CDK8: variants seen among roughly 807,000 people sequenced by gnomAD.
The protein encoded by CDK8 is cyclin-dependent kinase 8.
CDK8 carries 29 observed loss-of-function variants against 71.5 expected under a neutral mutation model. That is an observed-to-expected ratio of 0.41 (90% confidence interval 0.30 to 0.55). CDK8 has a LOEUF of 0.55. Among genes scored for constraint, CDK8 ranks in the 20% least tolerant of loss-of-function variants. The pLI is 0.37. For synonymous variants in CDK8, 161 were observed against 192.1 expected (o/e 0.84, Z 1.34); for missense variants, 288 against 572.6 (o/e 0.50, Z 5.07).
chr13:26,392,118 A>T (rs1257900798), intron 6 of CDK8, among the ~76,000 whole-genome samples: 1 of 152,076 alleles, frequency 6.6e-6, no homozygotes, highest in African/African-American at 2.4e-5. Flanking sequence ...TTAGTTTAGG[A>T]TTTGTTAAGA....
intron 1 of CDK8, among the ~76,000 whole-genome samples, chr13:26,266,626 C>T (rs532379942): frequency 3.9e-5 from 6 of 152,034 alleles, no homozygotes; most frequent in Non-Finnish European, 8.8e-5. Flanking sequence ...ATAAAATAAA[C>T]GAAATAAAAC....
At chr13:26,339,507 C>T (rs9579000) in intron 2 of CDK8, among the ~76,000 whole-genome samples, 6 of 151,544 alleles carry the variant, frequency 4.0e-5, no homozygotes, top group South Asian at 2.1e-4. Flanking sequence ...GGTGGTGTAA[C>T]GCCACCAGCT....
chr13:26,319,752 A>C (rs1453029089), intron 1 of CDK8, among the ~76,000 whole-genome samples: 1 of 151,492 alleles, frequency 6.6e-6, no homozygotes, highest in African/African-American at 2.4e-5. Context: ...TGGGGACTCC[A>C]CATATTCACA....
chr13:26,313,298 T>C (rs772672689), intron 1 of CDK8, among the ~76,000 whole-genome samples: 1 of 152,122 alleles, frequency 6.6e-6, no homozygotes, highest in Non-Finnish European at 1.5e-5. Flanking sequence ...AGAGGCCTAC[T>C]ACATGTGATA....
At chr13:26,372,298 A>G (rs1874727765) in intron 4 of CDK8, among the ~76,000 whole-genome samples, 1 of 152,232 alleles carries the variant, frequency 6.6e-6, no homozygotes, top group Non-Finnish European at 1.5e-5. Flanking sequence ...AAACACCTCA[A>G]TATTAAAATA....
chr13:26,310,326 C>T (rs1459315855), intron 1 of CDK8, among the ~76,000 whole-genome samples: 1 of 152,116 alleles, frequency 6.6e-6, no homozygotes, highest in Non-Finnish European at 1.5e-5. Context: ...CCCTCTATGT[C>T]TGTGGTCCCC....
At position 26,288,087 on chromosome 13, in the gene CDK8, C is replaced by T. The variant is rs370835576; in HGVS notation, c.128+33318C>T. 2.2e-4 allele frequency among the ~76,000 whole-genome samples: 33 copies of T among 152,076 alleles called. No homozygotes were observed. In the East Asian group the frequency reaches 5.0e-3, roughly 23 times the overall value. ...AAGCAGTTCTCCTGCCTCAGCCTCC[C>T]GAGTAGCTGGGACTATAGGCACGTG... On this transcript the variant is annotated intron_variant, in intron 1 of 12. Transcript: ENST00000381527.
chr13:26,261,015 C>T (rs926093255), intron 1 of CDK8, among the ~76,000 whole-genome samples: 24 of 152,160 alleles, frequency 1.6e-4, no homozygotes, highest in African/African-American at 5.1e-4. Flanking sequence ...TTTTTTCCTT[C>T]ACACCAGATT....
intron 1 of CDK8, among the ~76,000 whole-genome samples, chr13:26,325,655 T>G (rs1292113161): frequency 6.6e-6 from 1 of 151,920 alleles, no homozygotes; most frequent in Middle Eastern, 3.4e-3. Context: ...TGAAGGGAGG[T>G]CAGTTTGGGA....
chr13:26,383,143 G>A (rs973185755), intron 5 of CDK8, among the ~76,000 whole-genome samples: 5 of 151,198 alleles, frequency 3.3e-5, no homozygotes, highest in African/African-American at 1.2e-4. Context: ...AGAGGTGAGG[G>A]GCTTCTATCT....
At chr13:26,291,354 C>A (rs1187169758) in intron 1 of CDK8, among the ~76,000 whole-genome samples, 3 of 151,982 alleles carry the variant, frequency 2.0e-5, no homozygotes, top group African/African-American at 7.3e-5. Flanking sequence ...CATTGCTAAG[C>A]AATGCATGAC....
chr13:26,385,636 CTGAGCTGGGAGGA>C (rs1227107118), intron 6 of CDK8, among the ~76,000 whole-genome samples: 1 of 152,076 alleles, frequency 6.6e-6, no homozygotes, highest in East Asian at 1.9e-4. Context: ...ACTCGGGAGG[CTGAGCTGGGAGGA>C]TCGCTTGAGC....
rs191661075 is a variant in CDK8, at chr13:26,313,547, C to T, written c.129-24020C>T. Among the ~76,000 whole-genome samples the T allele has an allele frequency of 1.4e-4, 21 of 152,230 alleles. No homozygotes were observed. The East Asian group carries it at 2.7e-3, about 20-fold the overall frequency. On this transcript the variant is annotated intron_variant, in intron 1 of 12. Transcript: ENST00000381527. ...AGTGTCTAGTAGTTTAATTGGGATA[C>T]GGGACTAAAATCCATTCTCCTTTAC... is the stretch of plus-strand genomic sequence containing the variant.
At chr13:26,375,890 A>G (rs1333363502) in intron 4 of CDK8, among the ~76,000 whole-genome samples, 1 of 152,220 alleles carries the variant, frequency 6.6e-6, no homozygotes, top group Non-Finnish European at 1.5e-5. Flanking sequence ...CAAGGAAATT[A>G]TATGGTGCAT....
At chr13:26,381,784 T>G (rs1341217611) in intron 4 of CDK8, among the ~76,000 whole-genome samples, 4 of 152,072 alleles carry the variant, frequency 2.6e-5, no homozygotes, top group Non-Finnish European at 5.9e-5. Context: ...ATAACTATCT[T>G]TGGTAGGTGA....
Position 26,385,272 on chromosome 13 carries a change from A to G in CDK8, c.576A>G (p.Pro192=). The G allele has an allele frequency of 1.2e-6, 2 of 1,613,446 alleles. No homozygotes were observed. Among genetic ancestry groups the G allele is most frequent in the East Asian group, 2.2e-5 (1 of 44,866 alleles). The change falls in exon 6 of 13, where the codon CCA becomes CCG. Residue 192 remains proline, a synonymous_variant. Transcript: ENST00000381527. ...SPLKPLADLD[P]VVVTFWYRAP... is the part of the protein sequence containing the mutation. ...TGAAGCCTTTAGCAGATTTGGATCCAGTGGTTGTTACATTCTGGTACCGAG... is the reference window on the plus strand; with the variant it reads ...TGAAGCCTTTAGCAGATTTGGATCCGGTGGTTGTTACATTCTGGTACCGAG...
At chr13:26,270,253 G>A (rs1024248937) in intron 1 of CDK8, among the ~76,000 whole-genome samples, 2 of 151,944 alleles carry the variant, frequency 1.3e-5, no homozygotes, top group South Asian at 2.1e-4. Context: ...GCTGGGTGTG[G>A]TGGCAGGTGC....
chr13:26,297,369 A>T (rs142559718), intron 1 of CDK8, among the ~76,000 whole-genome samples: 1 of 152,218 alleles, frequency 6.6e-6, no homozygotes, highest in East Asian at 1.9e-4. Flanking sequence ...AGCTAGGAAG[A>T]TAAAGAACAG....
At chr13:26,393,653 C>T (rs1376266490) in intron 7 of CDK8, 143 bp downstream of exon 7, 19 of 802,474 alleles carry the variant, frequency 2.4e-5, no homozygotes, top group Admixed American at 1.4e-4. Context: ...TATCAAAGAT[C>T]CGTAGAAACA....
Sources: gnomAD v4.1 joint callset for allele counts (sites outside exome capture counted in the v4.1 genomes callset) on GRCh38, gnomAD v4.1.1 for gene constraint, MANE v1.5 for transcripts, NCBI Gene and HGNC (gene_info 2026-07-23, HGNC 2026-07-21) for gene names.